The following THOP1 variants were observed in gnomAD, a reference collection of about 807,000 sequenced individuals.
THOP1 encodes thimet oligopeptidase.
Under a neutral mutation model 71.8 loss-of-function variants are expected in THOP1, and 49 were observed. The ratio of observed to expected loss-of-function variants is 0.68; its 90% CI spans 0.54 to 0.87. The LOEUF (loss-of-function observed/expected upper bound fraction) is 0.87. THOP1 is among the 40% of genes least tolerant of loss of function. The pLI, the probability that THOP1 is intolerant of heterozygous loss-of-function variation, is 0.00. For missense variants in THOP1, 843 were observed against 975.6 expected (o/e 0.86, Z 1.81); for synonymous variants, 426 against 421.5 (o/e 1.01, Z -0.13).
At position 2,798,778 on chromosome 19, in the gene THOP1, G is replaced by A. The variant is rs144457667; in HGVS notation, c.487-911G>A. On this transcript the variant is annotated intron_variant, in intron 4 of 12. Transcript: ENST00000307741. ...CCTGCGGATGAGCATTTCTGCTCTG[G>A]CCCCATGGAGCTGGGCTCCAGACCC... Among the ~76,000 whole-genome samples the A allele has an allele frequency of 6.6e-3, 1,012 of 152,290 alleles. 18 individuals carry two copies. Among genetic ancestry groups the A allele is most frequent in the African/African-American group, 0.023 (949 of 41,574 alleles).
intron 1 of THOP1, among the ~76,000 whole-genome samples, chr19:2,787,187 C>A (rs1915766213): frequency 6.6e-6 from 1 of 152,198 alleles, no homozygotes; most frequent in South Asian, 2.1e-4. Context: ...GCATGAGCCA[C>A]CGTGCCCGGC....
At chr19:2,789,240 C>T (rs181017593) in intron 1 of THOP1, among the ~76,000 whole-genome samples, 1 of 152,204 alleles carries the variant, frequency 6.6e-6, no homozygotes, top group Admixed American at 6.5e-5. Context: ...TGTTTGCTGG[C>T]CCCCTGGACC....
At chr19:2,799,526 C>T (rs1916094470) in intron 4 of THOP1, among the ~76,000 whole-genome samples, 163 bp from the exon 5 acceptor site, 1 of 152,186 alleles carries the variant, frequency 6.6e-6, no homozygotes, top group Non-Finnish European at 1.5e-5. Context: ...GTCTGTCTGT[C>T]CTCCGCCTCC....
Position 2,814,339 on chromosome 19 carries a change from T to G in THOP1, c.*1063T>G, listed in dbSNP as rs1916560634. The G allele has an allele frequency of 6.6e-6, 1 of 152,304 alleles. No homozygotes were observed. The highest frequency in any genetic ancestry group is 2.4e-5 in the African/African-American group (1 of 41,456). The allele number at this position is 152,304 out of a possible 1,614,324, so 9.4% of individuals were successfully genotyped here. ...GTGCTCTGATGTTTTCTCCCGCGAC[T>G]GTGAGTTTCTCAGGAGCCCCCCTCG... On this transcript the variant is annotated 3_prime_UTR_variant, in exon 13 of 13. Coordinates refer to ENST00000307741, the MANE Select transcript of THOP1 (RefSeq NM_003249.5).
At chr19:2,809,627 C>G (rs1034997458) in intron 9 of THOP1, 6 of 152,340 alleles carry the variant, frequency 3.9e-5, no homozygotes, top group African/African-American at 1.4e-4. Context: ...ACTGTTTGCA[C>G]AGCACTCGTA....
Position 2,805,249 on chromosome 19 carries a change from TGA to T in THOP1, c.750+75_750+76del, listed in dbSNP as rs1220027437. On this transcript the variant is annotated intron_variant, in intron 6 of 12. Coordinates refer to ENST00000307741, the MANE Select transcript of THOP1 (RefSeq NM_003249.5). The surrounding 1 kb of genome is among the most constrained non-coding windows in gnomAD (Gnocchi z 6.6). ...GTGGGGCCCGTCTGCTCCATGTGTG[TGA>T]GGCACCTCCAGGCTTTGCACTTGGA... is the stretch of plus-strand genomic sequence containing the variant. 2 of 1,498,714 alleles carry T rather than the reference TGA, an allele frequency of 1.3e-6. No homozygotes were observed. Among genetic ancestry groups the T allele is most frequent in the Non-Finnish European group, 1.8e-6 (2 of 1,118,440 alleles). The allele number at this position is 1,498,714 out of a possible 1,614,324, so 92.8% of individuals were successfully genotyped here.
intron 5 of THOP1, among the ~76,000 whole-genome samples, chr19:2,800,051 A>G (rs569280955): frequency 1.4e-3 from 206 of 152,280 alleles, no homozygotes; most frequent in African/African-American, 4.8e-3. Context: ...CCTGATAGAA[A>G]ATGTCCCTGG....
Position 2,806,578 on chromosome 19 carries a change from A to G in THOP1, c.751-339A>G, listed in dbSNP as rs538520690. ...GTCATTTGCTGGTGGCGATAGGCAG[A>G]GCCCGTGAGACTGGGAACCAAGGCC... On this transcript the variant is annotated intron_variant, in intron 6 of 12. Transcript: ENST00000307741. 1.2e-5 allele frequency: 4 copies of G among 346,938 alleles called. 1 individual carries two copies. In the South Asian group the frequency reaches 1.4e-4, roughly 12 times the overall value. The allele number at this position is 346,938 out of a possible 1,614,324, so 21.5% of individuals were successfully genotyped here. A position where few individuals can be genotyped will look rare whatever the true frequency, so the allele number is the denominator to read the frequency against.
intron 5 of THOP1, among the ~76,000 whole-genome samples, chr19:2,800,740 A>C (rs372790631): frequency 6.6e-6 from 1 of 152,286 alleles, no homozygotes. Flanking sequence ...TCTGGCACTC[A>C]GGAGAGACGA....
intron 12 of THOP1, 62 bp from the exon 13 acceptor site, chr19:2,813,053 T>TCTGCCTTCCTCCC: frequency 6.5e-7 from 1 of 1,527,834 alleles, no homozygotes; most frequent in Non-Finnish European, 8.8e-7. Context: ...TGCAGACTCC[T>TCTGCCTTCCTCCC]GGGGTCCTCT....
chr19:2,795,991 G>T, intron 3 of THOP1, 90 bp from the exon 4 acceptor site: 1 of 971,174 alleles, frequency 1.0e-6, no homozygotes, highest in East Asian at 2.6e-5. Context: ...CACGGGGGCC[G>T]GATGATCAGG....
rs1568325159 is a variant in THOP1, at chr19:2,807,766, CGGG to C, written c.1214_1216del (p.Gly405del). ...CTCTACACCGCGAGGGACGCGGCCT[CGGG>C]GGAGGTGGTCGGCAAGTTCTACCTG... On this transcript the variant is annotated inframe_deletion, in exon 8 of 13. Coordinates refer to ENST00000307741, the MANE Select transcript of THOP1 (RefSeq NM_003249.5). The C allele has an allele frequency of 6.5e-7, 1 of 1,541,550 alleles. No homozygotes were observed. The highest frequency in any genetic ancestry group is 8.8e-7 in the Non-Finnish European group (1 of 1,140,474).
At chr19:2,790,255 TC>T (rs2144757485) in intron 1 of THOP1, among the ~76,000 whole-genome samples, 165 bp from the exon 2 acceptor site, 1 of 152,252 alleles carries the variant, frequency 6.6e-6, no homozygotes, top group South Asian at 2.1e-4. Context: ...CAGAGTAGCC[TC>T]CTGCTCTAGA....
At chr19:2,807,108 C>A in intron 7 of THOP1, 56 bp downstream of exon 7, 1 of 1,545,450 alleles carries the variant, frequency 6.5e-7, no homozygotes, top group Non-Finnish European at 8.7e-7. Context: ...CTCAGGGTCA[C>A]CCCAGGGGAC....
intron 12 of THOP1, 71 bp from the exon 13 acceptor site, chr19:2,813,044 G>A (rs576180248): frequency 2.7e-6 from 4 of 1,495,590 alleles, no homozygotes; most frequent in African/African-American, 2.8e-5. Context: ...GCGAGGGTGT[G>A]CAGACTCCTG....
At chr19:2,797,967 G>T (rs2144766305) in intron 4 of THOP1, among the ~76,000 whole-genome samples, 1 of 152,338 alleles carries the variant, frequency 6.6e-6, no homozygotes, top group Middle Eastern at 3.4e-3. Flanking sequence ...AGTACTCGGG[G>T]ACTGGGGGTC....
chr19:2,799,274 G>A (rs150935469), intron 4 of THOP1, among the ~76,000 whole-genome samples: 8 of 152,322 alleles, frequency 5.3e-5, no homozygotes, highest in African/African-American at 1.7e-4. Context: ...GCAGTGAGTC[G>A]AGATCATGCC....
chr19:2,810,325 G>A lies in THOP1; in HGVS notation c.1477G>A (p.Gly493Arg), dbSNP rs1311207753. ...GCAGGCGGAGTTCGCCATGTTCAGC[G>A]GGACCCACGTGGAGCGGGACTTTGT... ...CSQAEFAMFS[G>R]THVERDFVEA... Residue 493 changes from glycine (G) to arginine (R), a missense_variant, in exon 10 of 13, where the codon GGG (glycine) becomes AGG (arginine). Physicochemically the swap from Gly to Arg is moderately radical, Grantham distance 125 (BLOSUM62 -2). Coordinates refer to ENST00000307741, the MANE Select transcript of THOP1 (RefSeq NM_003249.5). The A allele has an allele frequency of 2.5e-6, 4 of 1,611,486 alleles. No individual in the cohort carries two copies. Among genetic ancestry groups the A allele is most frequent in the Non-Finnish European group, 3.4e-6 (4 of 1,179,688 alleles).
rs117880360 is a variant in THOP1 at position 2,796,896 on chromosome 19, G to A, written c.486+708G>A. On this transcript the variant is annotated intron_variant, in intron 4 of 12. Coordinates refer to ENST00000307741, the MANE Select transcript of THOP1 (RefSeq NM_003249.5). ...ACTGCCCGGTGTGCCTGATGTGGGC[G>A]TCTCAGGGGTGACATGAGTTAGTTG... Among the ~76,000 whole-genome samples the A allele has an allele frequency of 2.7e-3, 413 of 152,322 alleles. 6 individuals are homozygous for A. Among genetic ancestry groups the A allele is most frequent in the South Asian group, 0.026 (128 of 4,832 alleles).
Sources: gnomAD v4.1 joint callset for allele counts (sites outside exome capture counted in the v4.1 genomes callset) on GRCh38, gnomAD v4.1.1 for gene constraint, Gnocchi (gnomAD v3.1) non-coding constraint, MANE v1.5 for transcripts, NCBI Gene and HGNC (gene_info 2026-07-23, HGNC 2026-07-21) for gene names.